The following SNTG1 variants were observed in gnomAD, a reference collection of about 807,000 sequenced individuals.
SNTG1 encodes gamma-1-syntrophin.
SNTG1 carries 39 observed loss-of-function variants against 74.7 expected under a neutral mutation model. The observed-to-expected ratio is 0.52, with a 90% CI of 0.40 to 0.68. SNTG1 has a LOEUF of 0.68. Among genes scored for constraint, SNTG1 ranks in the 30% least tolerant of loss-of-function variants. SNTG1 has a pLI of 0.00. For synonymous variants in SNTG1, 254 were observed against 217.1 expected (o/e 1.17, Z -1.49); for missense variants, 685 against 609.5 (o/e 1.12, Z -1.30).
intron 2 of SNTG1, among the ~76,000 whole-genome samples, chr8:50,275,310 C>T (rs1798834818): frequency 6.6e-6 from 1 of 151,984 alleles, no homozygotes; most frequent in Admixed American, 6.6e-5. Flanking sequence ...GTTAGATTAC[C>T]TACAATATGT....
intron 13 of SNTG1, among the ~76,000 whole-genome samples, chr8:50,631,514 G>T (rs995153478): frequency 6.6e-6 from 1 of 152,122 alleles, no homozygotes; most frequent in Admixed American, 6.5e-5. Context: ...CAAATTAACA[G>T]TGAATGACTC....
At chr8:50,354,237 T>A (rs2091752193) in intron 2 of SNTG1, among the ~76,000 whole-genome samples, 1 of 152,204 alleles carries the variant, frequency 6.6e-6, no homozygotes, top group South Asian at 2.1e-4. Context: ...TACAAACAAT[T>A]CTTTATGTCT....
chr8:50,259,519 AG>A (rs1563810359), intron 2 of SNTG1, among the ~76,000 whole-genome samples: 236 of 13,828 alleles, frequency 0.017, 32 homozygotes, highest in Middle Eastern at 0.038. Context: ...AAAGAAAGAA[AG>A]AAAGAAAGAA....
intron 9 of SNTG1, among the ~76,000 whole-genome samples, chr8:50,517,716 T>G (rs1241541188): frequency 6.6e-6 from 1 of 151,624 alleles, no homozygotes; most frequent in Non-Finnish European, 1.5e-5. Flanking sequence ...AGAAGGGCAT[T>G]ATATAATGAT....
chr8:50,463,336 G>A (rs1224878164), intron 8 of SNTG1, among the ~76,000 whole-genome samples: 2 of 151,992 alleles, frequency 1.3e-5, no homozygotes, highest in Non-Finnish European at 2.9e-5. Flanking sequence ...AATCAACTTG[G>A]CCCAGATCCC....
intron 13 of SNTG1, among the ~76,000 whole-genome samples, chr8:50,612,084 C>CA (rs1156706726): frequency 2.0e-5 from 3 of 152,044 alleles, no homozygotes; most frequent in Non-Finnish European, 4.4e-5. Flanking sequence ...AACAAACAAA[C>CA]AAAAAAATCT....
intron 2 of SNTG1, among the ~76,000 whole-genome samples, chr8:50,179,345 AT>A (rs1470884627): frequency 7.9e-5 from 12 of 152,314 alleles, no homozygotes; most frequent in Admixed American, 7.8e-4. Context: ...TGAAAATGCC[AT>A]TGAAATTTTG....
chr8:50,153,929 C>T (rs943964458), intron 1 of SNTG1, among the ~76,000 whole-genome samples: 1 of 152,174 alleles, frequency 6.6e-6, no homozygotes, highest in Non-Finnish European at 1.5e-5. Flanking sequence ...CTCTTTGAAG[C>T]TGTCAGACAT....
intron 1 of SNTG1, among the ~76,000 whole-genome samples, chr8:49,989,585 C>G (rs1171135443): frequency 6.6e-6 from 1 of 151,882 alleles, no homozygotes; most frequent in East Asian, 1.9e-4. Flanking sequence ...AGATGAAACA[C>G]TTCCCAACTT....
chr8:50,721,436 G>T (rs2095487432), intron 17 of SNTG1, among the ~76,000 whole-genome samples: 1 of 152,166 alleles, frequency 6.6e-6, no homozygotes, highest in Admixed American at 6.5e-5. Context: ...ATATGGTGGA[G>T]ACAAATTCTT....
intron 13 of SNTG1, among the ~76,000 whole-genome samples, chr8:50,631,106 C>T (rs1246653402): frequency 6.6e-6 from 1 of 152,178 alleles, no homozygotes; most frequent in Admixed American, 6.5e-5. Flanking sequence ...CTTTTCTGCT[C>T]AGATGAGAGC....
intron 2 of SNTG1, among the ~76,000 whole-genome samples, chr8:50,188,366 C>G (rs1452760158): frequency 6.6e-6 from 1 of 152,136 alleles, no homozygotes; most frequent in Non-Finnish European, 1.5e-5. Context: ...CATCCACGTT[C>G]TGCCCACTGG....
intron 2 of SNTG1, among the ~76,000 whole-genome samples, chr8:50,235,138 A>G (rs2132089953): frequency 6.6e-6 from 1 of 152,286 alleles, no homozygotes; most frequent in African/African-American, 2.4e-5. Context: ...AACAGATATC[A>G]GCACTCTCAT....
chr8:50,471,084 G>C (rs1485343194), intron 8 of SNTG1, among the ~76,000 whole-genome samples: 1 of 152,038 alleles, frequency 6.6e-6, no homozygotes, highest in Non-Finnish European at 1.5e-5. Context: ...GTGCTGATTG[G>C]TGCATTTACA....
chr8:49,958,655 G>A (rs1005952386), intron 1 of SNTG1, among the ~76,000 whole-genome samples: 12 of 152,216 alleles, frequency 7.9e-5, no homozygotes, highest in African/African-American at 2.9e-4. Flanking sequence ...TGCTGACCTC[G>A]TGATCCACCC....
At chr8:50,025,649 A>G (rs1817202605) in intron 1 of SNTG1, among the ~76,000 whole-genome samples, 1 of 152,176 alleles carries the variant, frequency 6.6e-6, no homozygotes, top group Non-Finnish European at 1.5e-5. Context: ...ATGGCAATTC[A>G]AGATTTCAAA....
chr8:50,578,410 A>C (rs1247335828), intron 12 of SNTG1, among the ~76,000 whole-genome samples: 1 of 58,280 alleles, frequency 1.7e-5, no homozygotes, highest in African/African-American at 8.1e-5. Context: ...AAAAAGTGAG[A>C]GGATGAGAGA....
At chr8:50,057,936 T>C (rs1017805644) in intron 1 of SNTG1, among the ~76,000 whole-genome samples, 38 of 152,188 alleles carry the variant, frequency 2.5e-4, no homozygotes, top group African/African-American at 8.9e-4. Flanking sequence ...TATGTGCACT[T>C]TTTAATTTAT....
chr8:50,581,170 G>C (rs1311827902), intron 12 of SNTG1, among the ~76,000 whole-genome samples: 2 of 152,120 alleles, frequency 1.3e-5, no homozygotes, highest in African/African-American at 4.8e-5. Context: ...AAAATTATAA[G>C]AATGTGCACT....
Sources: gnomAD v4.1 joint callset for allele counts (sites outside exome capture counted in the v4.1 genomes callset) on GRCh38, gnomAD v4.1.1 for gene constraint, MANE v1.5 for transcripts, NCBI Gene and HGNC (gene_info 2026-07-23, HGNC 2026-07-21) for gene names.